The following SLC24A2 variants were observed in gnomAD, a reference collection of about 807,000 sequenced individuals.
SLC24A2 encodes the protein sodium/potassium/calcium exchanger 2.
In SLC24A2, 36 loss-of-function variants were observed where a neutral mutation model predicts 62.0. The observed-to-expected ratio is 0.58, with a 90% CI of 0.44 to 0.77. The LOEUF (loss-of-function observed/expected upper bound fraction) is 0.77, where lower values mean the gene tolerates loss of function less well. SLC24A2 is among the 30% of genes least tolerant of loss of function. The probability of loss-of-function intolerance (pLI) is 0.00; values close to 1 mark genes in which losing one functional copy is unlikely to be tolerated. For synonymous variants in SLC24A2, 358 were observed against 294.0 expected (o/e 1.22, Z -2.23); for missense variants, 846 against 817.9 (o/e 1.03, Z -0.42).
the SLC24A2 span, among the ~76,000 whole-genome samples, chr9:19,949,650 A>AT: frequency 6.6e-6 from 1 of 152,174 alleles, no homozygotes; most frequent in South Asian, 2.1e-4. Flanking sequence ...AAGTTTGGCT[A>AT]ATGAGTAGTG....
At chr9:19,554,533 T>C (rs901925104) in intron 7 of SLC24A2, among the ~76,000 whole-genome samples, 1 of 152,224 alleles carries the variant, frequency 6.6e-6, no homozygotes, top group African/African-American at 2.4e-5. Context: ...GTACTGCCTT[T>C]ATGCTTTAAC....
At chr9:20,041,725 C>G in the SLC24A2 span, among the ~76,000 whole-genome samples, 1 of 152,260 alleles carries the variant, frequency 6.6e-6, no homozygotes, top group Non-Finnish European at 1.5e-5. Flanking sequence ...ATGGGCAGGG[C>G]TCAAAAACAC....
chr9:20,210,131 C>T, the SLC24A2 span, among the ~76,000 whole-genome samples: 2 of 152,154 alleles, frequency 1.3e-5, no homozygotes, highest in Non-Finnish European at 2.9e-5. Context: ...ACAGGATGAA[C>T]AAGCCCACTG....
the SLC24A2 span, among the ~76,000 whole-genome samples, chr9:20,168,755 G>A: frequency 1.3e-5 from 2 of 152,130 alleles, no homozygotes; most frequent in South Asian, 2.1e-4. Context: ...TATTGCTGGT[G>A]GGAATGTAAA....
At chr9:19,855,579 T>A in the SLC24A2 span, among the ~76,000 whole-genome samples, 1 of 152,202 alleles carries the variant, frequency 6.6e-6, no homozygotes, top group African/African-American at 2.4e-5. Flanking sequence ...AAATTCTGGG[T>A]TGGAAATTCT....
the SLC24A2 span, among the ~76,000 whole-genome samples, chr9:20,268,887 G>C: frequency 6.6e-6 from 1 of 152,172 alleles, no homozygotes; most frequent in African/African-American, 2.4e-5. Flanking sequence ...GAACTCTTAA[G>C]GGAGTACCAT....
At chr9:20,274,273 G>T in the SLC24A2 span, among the ~76,000 whole-genome samples, 1 of 152,150 alleles carries the variant, frequency 6.6e-6, no homozygotes, top group Non-Finnish European at 1.5e-5. Context: ...CTGGGGGCCT[G>T]CTCTTCTACA....
intron 8 of SLC24A2, among the ~76,000 whole-genome samples, chr9:19,545,043 T>C (rs961583989): frequency 7.2e-5 from 11 of 152,152 alleles, no homozygotes; most frequent in Admixed American, 2.0e-4. Context: ...TTCCATTCTC[T>C]CCATCACTTT....
At chr9:20,113,162 C>G in the SLC24A2 span, among the ~76,000 whole-genome samples, 2 of 152,090 alleles carry the variant, frequency 1.3e-5, no homozygotes, top group South Asian at 2.1e-4. Flanking sequence ...GGGGCTCTCC[C>G]CCAGGACTGG....
intron 2 of SLC24A2, among the ~76,000 whole-genome samples, chr9:19,773,922 C>T (rs949895608): frequency 2.0e-5 from 3 of 152,162 alleles, no homozygotes; most frequent in African/African-American, 7.2e-5. Context: ...CTCTCTTAAT[C>T]CTCTGCAAGA....
At chr9:19,905,055 A>C in the SLC24A2 span, among the ~76,000 whole-genome samples, 1 of 152,298 alleles carries the variant, frequency 6.6e-6, no homozygotes, top group Admixed American at 6.5e-5. Flanking sequence ...GTTGTAAAGG[A>C]GTTTCTAAGA....
the SLC24A2 span, among the ~76,000 whole-genome samples, chr9:20,055,407 C>T: frequency 6.6e-6 from 1 of 152,080 alleles, no homozygotes; most frequent in African/African-American, 2.4e-5. Flanking sequence ...AGGCACTGTC[C>T]AAATCATCTT....
the SLC24A2 span, among the ~76,000 whole-genome samples, chr9:19,818,473 G>A: frequency 6.6e-6 from 1 of 152,036 alleles, no homozygotes; most frequent in Non-Finnish European, 1.5e-5. Context: ...CCCCCAGAAA[G>A]CTCCTAGAAT....
chr9:19,526,460 C>G (rs1001348904), intron 9 of SLC24A2, among the ~76,000 whole-genome samples: 10 of 152,184 alleles, frequency 6.6e-5, no homozygotes, highest in Admixed American at 3.9e-4. Context: ...GTTTTACATT[C>G]CTATCAGCAG....
chr9:19,785,907 A>C, intron 2 of SLC24A2, 30 bp downstream of exon 2: 1 of 1,614,126 alleles, frequency 6.2e-7, no homozygotes, highest in East Asian at 2.2e-5. Flanking sequence ...AGTCAAGAAA[A>C]GCATTAAATA....
At chr9:19,979,675 C>A in the SLC24A2 span, among the ~76,000 whole-genome samples, 1 of 152,146 alleles carries the variant, frequency 6.6e-6, no homozygotes, top group East Asian at 1.9e-4. Context: ...TTAGGATGGG[C>A]AGCTGCTGTC....
chr9:20,042,023 G>C, the SLC24A2 span, among the ~76,000 whole-genome samples: 4 of 152,248 alleles, frequency 2.6e-5, no homozygotes, highest in East Asian at 7.7e-4. Flanking sequence ...GGCACCTGTG[G>C]TGGGGAGCCT....
intron 7 of SLC24A2, among the ~76,000 whole-genome samples, chr9:19,563,783 G>C (rs1325502024): frequency 0.015 from 636 of 43,716 alleles, 92 homozygotes; most frequent in East Asian, 0.067. Flanking sequence ...AAAACTGTTG[G>C]TTTTTATAAT....
the SLC24A2 span, among the ~76,000 whole-genome samples, chr9:19,934,795 G>C: frequency 6.6e-6 from 1 of 152,102 alleles, no homozygotes; most frequent in South Asian, 2.1e-4. This position sits in a 1 kb window ranked among gnomAD's most constrained non-coding sequence, Gnocchi z 4.1. Flanking sequence ...CGAACCGAGC[G>C]GGGCGTGGCG....
Sources: gnomAD v4.1 joint callset for allele counts (sites outside exome capture counted in the v4.1 genomes callset) on GRCh38, gnomAD v4.1.1 for gene constraint, Gnocchi (gnomAD v3.1) non-coding constraint, MANE v1.5 for transcripts, NCBI Gene and HGNC (gene_info 2026-07-23, HGNC 2026-07-21) for gene names.